Variants in GNAL observed in about 807,000 individuals in gnomAD.
GNAL encodes the protein G protein subunit alpha L.
A neutral mutation model predicts 55.1 loss-of-function variants in GNAL; 18 were observed. The observed-to-expected ratio is 0.33, with a 90% CI of 0.23 to 0.48. The LOEUF is 0.48. Among genes scored for constraint, GNAL ranks in the 20% least tolerant of loss-of-function variants. The probability of loss-of-function intolerance (pLI) is 0.99; values close to 1 mark genes in which losing one functional copy is unlikely to be tolerated. For synonymous variants in GNAL, 253 were observed against 237.0 expected, an observed-to-expected ratio of 1.07 and a Z score of -0.62; for missense variants, 412 against 614.1, an observed-to-expected ratio of 0.67 and a Z score of 3.48.
intron 1 of GNAL, among the ~76,000 whole-genome samples, chr18:11,703,795 GCACACACACACACACA>G (rs35455680): frequency 7.1e-6 from 1 of 141,408 alleles, no homozygotes; most frequent in Non-Finnish European, 1.5e-5. Context: ...GTGTTGATGG[GCACACACACACACACA>G]CACACACACA....
chr18:11,813,925 A>G (rs8088462), intron 4 of GNAL, among the ~76,000 whole-genome samples: 150,557 of 152,258 alleles, frequency 0.99, 74,452 homozygotes, highest in Middle Eastern at 1. Context: ...AGAGCCAGAG[A>G]TACTAAGGAT....
intron 4 of GNAL, among the ~76,000 whole-genome samples, chr18:11,801,182 A>C (rs2034511393): frequency 6.6e-6 from 1 of 152,182 alleles, no homozygotes; most frequent in African/African-American, 2.4e-5. Context: ...GAACAAAACA[A>C]AAAGATATCT....
At chr18:11,790,346 A>C (rs944465588) in intron 4 of GNAL, among the ~76,000 whole-genome samples, 1 of 151,892 alleles carries the variant, frequency 6.6e-6, no homozygotes, top group African/African-American at 2.4e-5. Context: ...GAAATTCTCC[A>C]GGGCGTTTGT....
chr18:11,851,219 ACGCAGCGCAGGAAGCGAGCGTTCCCCGC>A (rs995617405), intron 5 of GNAL, among the ~76,000 whole-genome samples: 2 of 152,240 alleles, frequency 1.3e-5, no homozygotes. Flanking sequence ...ACCGGGTAGA[ACGCAGCGCAGGAAGCGAGCGTTCCCCGC>A]CGCAGCGCCG....
At chr18:11,735,806 AAAGGAAGGAAGG>A (rs368504075) in intron 1 of GNAL, among the ~76,000 whole-genome samples, 1 of 149,674 alleles carries the variant, frequency 6.7e-6, no homozygotes, top group African/African-American at 2.5e-5. Flanking sequence ...GGAAGGAAGG[AAAGGAAGGAAGG>A]AAGGAAGGAA....
chr18:11,794,268 G>A (rs1004758356), intron 4 of GNAL, among the ~76,000 whole-genome samples: 4 of 152,174 alleles, frequency 2.6e-5, no homozygotes, highest in East Asian at 3.8e-4. Context: ...AGGATCAAAC[G>A]TATCTCACAT....
Position 11,752,674 on chromosome 18 carries a change from T to A in GNAL, c.377-179T>A. ...CTGGGCGGGCAGGGCCGGGCGAGGG[T>A]CGCGCGCACCTCTGGGCCGCGGAGC... On this transcript the variant is annotated intron_variant, in intron 1 of 11. Transcript: ENST00000334049. This position sits in a 1 kb window ranked among gnomAD's most constrained non-coding sequence, Gnocchi z 4.5. 7.8e-7 allele frequency: 1 copy of A among 1,276,628 alleles called. No homozygotes were observed. The highest frequency in any genetic ancestry group is 1.0e-6 in the Non-Finnish European group (1 of 976,620). The allele number at this position is 1,276,628 out of a possible 1,614,324, so 79.1% of individuals were successfully genotyped here. A position where few individuals can be genotyped will look rare whatever the true frequency, so the allele number is the denominator to read the frequency against.
intron 1 of GNAL, among the ~76,000 whole-genome samples, chr18:11,748,357 AATG>A (rs1273319244): frequency 6.6e-6 from 1 of 152,186 alleles, no homozygotes; most frequent in East Asian, 1.9e-4. Flanking sequence ...GTCTCTGTAA[AATG>A]ATGATGACAA....
rs77697539 is a variant in GNAL at position 11,794,074 on chromosome 18, A to G, written c.625-30844A>G. 5.1e-4 allele frequency among the ~76,000 whole-genome samples: 77 copies of G among 152,348 alleles called. 1 individual carries two copies. The East Asian group carries it at 9.6e-3, about 19-fold the overall frequency. On this transcript the variant is annotated intron_variant, in intron 4 of 11. Coordinates refer to ENST00000334049, the MANE Select transcript of GNAL (RefSeq NM_182978.4). The stretch of plus-strand genomic sequence containing the variant: ...GCCACTTCACACCCACTAGAATTCT[A>G]TAATTAACACACACACAGAAAATAA...
intron 1 of GNAL, among the ~76,000 whole-genome samples, chr18:11,720,546 C>T (rs2032071179): frequency 6.6e-6 from 1 of 152,208 alleles, no homozygotes. Context: ...AGTCCACAAG[C>T]TTGTGATTTT....
At chr18:11,730,818 T>C (rs1396080371) in intron 1 of GNAL, among the ~76,000 whole-genome samples, 1 of 152,072 alleles carries the variant, frequency 6.6e-6, no homozygotes, top group Admixed American at 6.6e-5. Flanking sequence ...CAAAGGATGC[T>C]TAAGTTAAGG....
At chr18:11,822,820 C>CTTTTTTTTTTTTT (rs56128456) in intron 4 of GNAL, among the ~76,000 whole-genome samples, 11 of 139,698 alleles carry the variant, frequency 7.9e-5, no homozygotes, top group South Asian at 4.6e-4. Context: ...TTTTTTTTTT[C>CTTTTTTTTTTTTT]TTTTTTTTTT....
intron 4 of GNAL, among the ~76,000 whole-genome samples, chr18:11,798,943 C>A (rs2034453997): frequency 6.6e-6 from 1 of 151,884 alleles, no homozygotes; most frequent in African/African-American, 2.4e-5. Context: ...GAAACCCCAT[C>A]TCTACTAAAA....
chr18:11,778,716 T>A (rs2033849602), intron 4 of GNAL, among the ~76,000 whole-genome samples: 1 of 152,058 alleles, frequency 6.6e-6, no homozygotes, highest in African/African-American at 2.4e-5. Context: ...ATCCCCTTTC[T>A]TAAGAACCCA....
chr18:11,866,652 G>T (rs547914988), intron 7 of GNAL, among the ~76,000 whole-genome samples: 3 of 150,362 alleles, frequency 2.0e-5, no homozygotes, highest in South Asian at 4.1e-4. Flanking sequence ...TCAAGACCCA[G>T]TGCAGGTCAC....
chr18:11,851,085 T>C (rs2035847033), intron 5 of GNAL, among the ~76,000 whole-genome samples: 1 of 152,256 alleles, frequency 6.6e-6, no homozygotes, highest in Non-Finnish European at 1.5e-5. Context: ...CTGCCAAGTT[T>C]GGAGCGTGGG....
chr18:11,878,481 G>A (rs1434893526), intron 11 of GNAL, among the ~76,000 whole-genome samples: 1 of 152,154 alleles, frequency 6.6e-6, no homozygotes, highest in Non-Finnish European at 1.5e-5. Flanking sequence ...ACTATTTGAA[G>A]CAACGACCTT....
At chr18:11,746,438 C>T (rs1035525285) in intron 1 of GNAL, 3 of 247,762 alleles carry the variant, frequency 1.2e-5, no homozygotes, top group African/African-American at 2.3e-5. Flanking sequence ...AGCAAGACCC[C>T]ATCTCTACAG....
At chr18:11,701,474 C>T (rs1311845862) in intron 1 of GNAL, among the ~76,000 whole-genome samples, 1 of 150,634 alleles carries the variant, frequency 6.6e-6, no homozygotes, top group African/African-American at 2.5e-5. Flanking sequence ...ACCTATAATC[C>T]CAGCTACTCG....
Sources: gnomAD v4.1 joint callset for allele counts (sites outside exome capture counted in the v4.1 genomes callset) on GRCh38, gnomAD v4.1.1 for gene constraint, Gnocchi (gnomAD v3.1) non-coding constraint, MANE v1.5 for transcripts, NCBI Gene and HGNC (gene_info 2026-07-23, HGNC 2026-07-21) for gene names.